The following ALKBH8 variants were observed in gnomAD, a reference collection of about 807,000 sequenced individuals.
The protein encoded by ALKBH8 is tRNA (carboxymethyluridine(34)-5-O)-methyltransferase ALKBH8.
ALKBH8 carries 36 observed loss-of-function variants against 59.8 expected under a neutral mutation model. The observed-to-expected ratio is 0.60, with a 90% CI of 0.46 to 0.79. ALKBH8 has a LOEUF of 0.79. Among genes scored for constraint, ALKBH8 ranks in the 30% least tolerant of loss-of-function variants. ALKBH8 has a pLI of 0.00. For synonymous variants in ALKBH8, 276 were observed against 273.6 expected (o/e 1.01, Z -0.09); for missense variants, 768 against 801.0 (o/e 0.96, Z 0.50).
chr11:107,556,717 G>C (rs545827577), intron 3 of ALKBH8, 49 bp downstream of exon 3: 2 of 1,297,026 alleles, frequency 1.5e-6, no homozygotes, highest in East Asian at 5.5e-5. Flanking sequence ...TCTATGAAAA[G>C]AAAACACCCA....
chr11:107,564,358 T>C (rs1025382551), intron 1 of ALKBH8, among the ~76,000 whole-genome samples: 4 of 152,204 alleles, frequency 2.6e-5, no homozygotes, highest in African/African-American at 9.7e-5. Context: ...TTCCTATACT[T>C]ATATGTTTAA....
chr11:107,546,532 A>T (rs1382426703), intron 7 of ALKBH8, among the ~76,000 whole-genome samples: 5 of 152,248 alleles, frequency 3.3e-5, no homozygotes, highest in African/African-American at 7.2e-5. Flanking sequence ...AGCACTGAGT[A>T]TTTGAGATGG....
intron 10 of ALKBH8, among the ~76,000 whole-genome samples, chr11:107,521,758 G>GT (rs1449496374): frequency 6.6e-6 from 1 of 152,106 alleles, no homozygotes; most frequent in Non-Finnish European, 1.5e-5. Context: ...CCTTGGTCAA[G>GT]TTTTTAATCT....
intron 10 of ALKBH8, among the ~76,000 whole-genome samples, chr11:107,515,094 T>C (rs1424438946): frequency 6.6e-6 from 1 of 152,154 alleles, no homozygotes; most frequent in African/African-American, 2.4e-5. Context: ...AGTACTTTCA[T>C]CTTTTACTTT....
At chr11:107,552,728 A>C (rs1864547783) in intron 5 of ALKBH8, among the ~76,000 whole-genome samples, 1 of 152,194 alleles carries the variant, frequency 6.6e-6, no homozygotes, top group Non-Finnish European at 1.5e-5. Context: ...ACTTCTTAGT[A>C]GTCTCCCTTG....
chr11:107,520,913 T>C (rs1045725008), intron 10 of ALKBH8, among the ~76,000 whole-genome samples: 4 of 152,178 alleles, frequency 2.6e-5, no homozygotes, highest in Non-Finnish European at 5.9e-5. Flanking sequence ...ATTCCATCTT[T>C]ACTGAATATG....
intron 2 of ALKBH8, among the ~76,000 whole-genome samples, chr11:107,559,505 A>AT (rs112565632): frequency 0.058 from 8,624 of 149,942 alleles, 478 homozygotes; most frequent in East Asian, 0.26. Context: ...AATGGAGCCT[A>AT]TTTTTTTTTT....
intron 3 of ALKBH8, among the ~76,000 whole-genome samples, chr11:107,554,543 C>A (rs1051212757): frequency 8.0e-6 from 1 of 125,366 alleles, no homozygotes; most frequent in Non-Finnish European, 1.9e-5. Flanking sequence ...AAAAAAGAAT[C>A]TGCTATTAAA....
intron 5 of ALKBH8, 76 bp from the exon 6 acceptor site, chr11:107,551,988 C>T: frequency 2.6e-6 from 2 of 771,920 alleles, no homozygotes; most frequent in Admixed American, 7.8e-5. Context: ...TTAAAAGTCA[C>T]TGTGATATAA....
intron 7 of ALKBH8, 37 bp from the exon 8 acceptor site, chr11:107,532,443 A>C: frequency 6.7e-7 from 1 of 1,485,078 alleles, no homozygotes; most frequent in South Asian, 1.1e-5. Context: ...ATCAATCCAA[A>C]ATTTCATATA....
intron 7 of ALKBH8, among the ~76,000 whole-genome samples, chr11:107,547,624 T>C (rs772893321): frequency 1.3e-5 from 2 of 152,188 alleles, no homozygotes; most frequent in African/African-American, 2.4e-5. Flanking sequence ...TAAATAGTAT[T>C]ATAAGCTGAA....
intron 1 of ALKBH8, among the ~76,000 whole-genome samples, chr11:107,564,535 G>C (rs949885119): frequency 5.3e-5 from 8 of 152,280 alleles, no homozygotes; most frequent in Admixed American, 4.6e-4. Flanking sequence ...GATATGGGTT[G>C]CCTCCAGGGA....
intron 10 of ALKBH8, among the ~76,000 whole-genome samples, chr11:107,521,408 AG>A (rs1359980672): frequency 6.6e-6 from 1 of 152,112 alleles, no homozygotes; most frequent in Non-Finnish European, 1.5e-5. Context: ...GGACAATTGT[AG>A]TAACTTTCTT....
At chr11:107,526,396 A>G (rs1863357199) in intron 8 of ALKBH8, among the ~76,000 whole-genome samples, 1 of 151,948 alleles carries the variant, frequency 6.6e-6, no homozygotes, top group African/African-American at 2.4e-5. Flanking sequence ...TCATGTGCTT[A>G]TTAGACACAC....
At chr11:107,551,702 AAAAAAT>A (rs1227543737) in intron 6 of ALKBH8, 100 bp downstream of exon 6, 2 of 376,788 alleles carry the variant, frequency 5.3e-6, no homozygotes, top group South Asian at 6.4e-5. Context: ...CTCAAAAAAA[AAAAAAT>A]AATAATAATA....
At chr11:107,559,155 T>C (rs891469089) in intron 2 of ALKBH8, among the ~76,000 whole-genome samples, 1 of 152,220 alleles carries the variant, frequency 6.6e-6, no homozygotes, top group African/African-American at 2.4e-5. Context: ...GCCAGGACTT[T>C]CGCCTTCTGC....
At chr11:107,564,451 G>A (rs1486413915) in intron 1 of ALKBH8, among the ~76,000 whole-genome samples, 1 of 151,950 alleles carries the variant, frequency 6.6e-6, no homozygotes, top group Non-Finnish European at 1.5e-5. Context: ...CCTATCAAAC[G>A]AGGCCCAATT....
chr11:107,518,573 G>T (rs1358686670), intron 10 of ALKBH8, among the ~76,000 whole-genome samples: 2 of 152,256 alleles, frequency 1.3e-5, no homozygotes, highest in African/African-American at 4.8e-5. Context: ...GCCCAGGGCG[G>T]AAAACTGCTT....
rs1862236419 is a variant in ALKBH8 at position 107,502,866 on chromosome 11, C to G, written c.*1792G>C. On this transcript the variant is annotated 3_prime_UTR_variant, in exon 12 of 12. Coordinates refer to ENST00000428149, the MANE Select transcript of ALKBH8 (RefSeq NM_138775.3). Reference sequence around the variant, plus strand: ...TTCTTACACTATCCTATGATGTATACAAATATACTTTCAGTGAATTTTCAT... The same window carrying G: ...TTCTTACACTATCCTATGATGTATAGAAATATACTTTCAGTGAATTTTCAT... The G allele has an allele frequency of 6.6e-6, 1 of 152,196 alleles. No individual in the cohort carries two copies. Among genetic ancestry groups the G allele is most frequent in the Non-Finnish European group, 1.5e-5 (1 of 68,026 alleles). 9.4% of individuals were successfully genotyped at this position (152,196 alleles called of 1,614,324 possible).
Sources: gnomAD v4.1 joint callset for allele counts (sites outside exome capture counted in the v4.1 genomes callset) on GRCh38, gnomAD v4.1.1 for gene constraint, MANE v1.5 for transcripts, NCBI Gene and HGNC (gene_info 2026-07-23, HGNC 2026-07-21) for gene names.